The following SMPDL3A variants were observed in gnomAD, a reference collection of about 807,000 sequenced individuals.
SMPDL3A encodes sphingomyelin phosphodiesterase acid like 3A.
SMPDL3A carries 39 observed loss-of-function variants against 38.5 expected under a neutral mutation model. The observed-to-expected ratio is 1.01, with a 90% CI of 0.78 to 1.32. SMPDL3A has a LOEUF of 1.32. SMPDL3A is among the 40% of genes most tolerant of loss of function. The pLI is 0.00. For missense variants in SMPDL3A, 502 were observed against 536.2 expected (o/e 0.94, Z 0.63); for synonymous variants, 180 against 194.3 (o/e 0.93, Z 0.61).
At chr6:122,797,929 C>G (rs369268800) in intron 3 of SMPDL3A, among the ~76,000 whole-genome samples, 2 of 152,140 alleles carry the variant, frequency 1.3e-5, no homozygotes, top group Non-Finnish European at 2.9e-5. Flanking sequence ...AGAGCCCATA[C>G]GCTAGATCTT....
Position 122,806,311 on chromosome 6 carries a change from C to G in SMPDL3A, c.998C>G (p.Pro333Arg). Residue 333 changes from proline to arginine, a missense_variant, in exon 7 of 8, where the codon CCT becomes CGT. Coordinates refer to ENST00000368440, the MANE Select transcript of SMPDL3A (RefSeq NM_006714.5). ...KSVLEKQTNNPGIRLFQYDPR... is the reference protein window; with the variant it reads ...KSVLEKQTNNRGIRLFQYDPR... The stretch of plus-strand genomic sequence containing the variant: ...GTTTTAGAAAAACAGACCAACAATC[C>G]TGGTATCAGACTGTTTCAGTATGAT... The G allele has an allele frequency of 6.2e-7, 1 of 1,613,370 alleles. No homozygotes were observed. The highest frequency in any genetic ancestry group is 1.3e-5 in the African/African-American group (1 of 75,010).
At chr6:122,795,284 G>A (rs1369365393) in intron 1 of SMPDL3A, among the ~76,000 whole-genome samples, 1 of 152,140 alleles carries the variant, frequency 6.6e-6, no homozygotes, top group Non-Finnish European at 1.5e-5. Flanking sequence ...TGGGATTACA[G>A]GCGTGTGCCA....
chr6:122,790,530 C>A (rs1187060104), intron 1 of SMPDL3A, among the ~76,000 whole-genome samples: 1 of 152,190 alleles, frequency 6.6e-6, no homozygotes, highest in Non-Finnish European at 1.5e-5. Flanking sequence ...AAACCTCTTT[C>A]GCTCCCTCTG....
intron 1 of SMPDL3A, among the ~76,000 whole-genome samples, 188 bp downstream of exon 1, chr6:122,789,646 T>G (rs1466596745): frequency 6.6e-6 from 1 of 152,158 alleles, no homozygotes; most frequent in Non-Finnish European, 1.5e-5. Flanking sequence ...GACTACAGCG[T>G]TAGGGCGTCC....
At chr6:122,789,481 C>T in intron 1 of SMPDL3A, 23 bp downstream of exon 1, 3 of 1,530,810 alleles carry the variant, frequency 2.0e-6, no homozygotes, top group East Asian at 4.9e-5. Flanking sequence ...CGACCCTTCT[C>T]TTCCCAGCCG....
At position 122,797,929 on chromosome 6, in the gene SMPDL3A, C is replaced by T. The variant is rs369268800; in HGVS notation, c.471+961C>T. On this transcript the variant is annotated intron_variant, in intron 3 of 7. Coordinates refer to ENST00000368440, the MANE Select transcript of SMPDL3A (RefSeq NM_006714.5). ...ACATCCCTTGGGAGCAGAGCCCATA[C>T]GCTAGATCTTTTTACCTCAGATCTG... Among the ~76,000 whole-genome samples the T allele has an allele frequency of 3.9e-4, 59 of 152,258 alleles. 3 individuals carry two copies. The highest frequency in any genetic ancestry group is 1.8e-3 in the Admixed American group (27 of 15,286).
chr6:122,796,898 C>T lies in SMPDL3A; in HGVS notation c.401C>T (p.Thr134Ile), dbSNP rs772991613. 2 of 1,612,722 alleles carry T rather than the reference C, an allele frequency of 1.2e-6. No homozygotes were observed. Among genetic ancestry groups the T allele is most frequent in the Admixed American group, 3.3e-5 (2 of 60,000 alleles). ...TVINVITNMT[T>I]TIQSLFPNLQ... ...ATAAATGTGATCACTAATATGACAACCACCATCCAGAGTCTCTTTCCAAAT... is the reference window on the plus strand; with the variant it reads ...ATAAATGTGATCACTAATATGACAATCACCATCCAGAGTCTCTTTCCAAAT... Residue 134 changes from threonine (T) to isoleucine (I), a missense_variant, in exon 3 of 8, where the codon ACC becomes ATC. Thr to Ile is a moderately conservative substitution (Grantham distance 89). Coordinates refer to ENST00000368440, the MANE Select transcript of SMPDL3A (RefSeq NM_006714.5).
At chr6:122,793,861 A>G (rs1209982926) in intron 1 of SMPDL3A, among the ~76,000 whole-genome samples, 1 of 152,172 alleles carries the variant, frequency 6.6e-6, no homozygotes, top group Non-Finnish European at 1.5e-5. Flanking sequence ...TAGAGTTTAA[A>G]GTTTGCATCC....
rs1018524047 is a variant in SMPDL3A at position 122,789,556 on chromosome 6, C to A, written c.112+98C>A. 4 of 1,124,134 alleles carry A rather than the reference C, an allele frequency of 3.6e-6. No individual in the cohort carries two copies. In the South Asian group the frequency reaches 4.1e-5, roughly 12 times the overall value. The allele number at this position is 1,124,134 out of a possible 1,614,324, so 69.6% of individuals were successfully genotyped here. ...GAAAGTGCGTGGGGGCAGCTGCCCC[C>A]GGCAGAGGCTCGGGCTAGCGGGGCC... On this transcript the variant is annotated intron_variant, in intron 1 of 7. Transcript: ENST00000368440.
chr6:122,803,103 C>A (rs1411006202), intron 4 of SMPDL3A, among the ~76,000 whole-genome samples: 1 of 152,148 alleles, frequency 6.6e-6, no homozygotes, highest in Admixed American at 6.5e-5. Flanking sequence ...GATCTTAGTG[C>A]CCAGCTCTGA....
At chr6:122,793,470 A>G (rs909321627) in intron 1 of SMPDL3A, among the ~76,000 whole-genome samples, 1 of 152,236 alleles carries the variant, frequency 6.6e-6, no homozygotes. Context: ...GAAATAATAC[A>G]AATACATGTT....
intron 3 of SMPDL3A, among the ~76,000 whole-genome samples, chr6:122,798,303 A>G (rs887437404): frequency 6.6e-6 from 1 of 152,176 alleles, no homozygotes; most frequent in Non-Finnish European, 1.5e-5. Flanking sequence ...CACACAGTGA[A>G]GAGGCTTGGG....
At position 122,809,269 on chromosome 6, in the gene SMPDL3A, A is replaced by G. The variant is rs544190744; in HGVS notation, c.1223A>G (p.Asn408Ser). ...LDSKQFIKYY[N>S]YFFVSYDSSV... ...AGTAAGCAGTTTATAAAATACTACA[A>G]TTACTTCTTTGTGAGTTATGACAGC... The change falls in exon 8 of 8, where the codon AAT (asparagine) becomes AGT (serine). Residue 408 changes from asparagine (N) to serine (S), a missense_variant. Physicochemically the swap from Asn to Ser is conservative, Grantham distance 46. Transcript: ENST00000368440. 7 of 1,614,094 alleles carry G rather than the reference A, an allele frequency of 4.3e-6. No individual in the cohort carries two copies. The South Asian group carries it at 6.6e-5, about 15-fold the overall frequency.
At chr6:122,802,498 G>A (rs1466040765) in intron 4 of SMPDL3A, among the ~76,000 whole-genome samples, 2 of 152,046 alleles carry the variant, frequency 1.3e-5, no homozygotes, top group Non-Finnish European at 1.5e-5. Context: ...CACCGTGCCC[G>A]GCCTATGTCT....
chr6:122,809,304 T>C lies in SMPDL3A; in HGVS notation c.1258T>C (p.Cys420Arg). ...FFVSYDSSVT[C>R]DKTCKAFQIC... is the part of the protein sequence containing the mutation. ...TGTGAGTTATGACAGCAGTGTAACA[T>C]GTGATAAGACATGTAAGGCCTTTCA... Residue 420 changes from cysteine to arginine, a missense_variant, in exon 8 of 8, where the codon TGT (cysteine) becomes CGT (arginine). By Grantham distance (180) the Cys-to-Arg change is radical. Transcript: ENST00000368440. The C allele has an allele frequency of 6.2e-7, 1 of 1,613,656 alleles. No homozygotes were observed. The highest frequency in any genetic ancestry group is 1.1e-5 in the South Asian group (1 of 91,074).
chr6:122,808,784 C>T (rs12207717), intron 7 of SMPDL3A, among the ~76,000 whole-genome samples: 1 of 151,668 alleles, frequency 6.6e-6, no homozygotes, highest in African/African-American at 2.4e-5. Context: ...CGGGTTCAAG[C>T]GATTCTTCTG....
chr6:122,805,137 A>AAAG, intron 6 of SMPDL3A, 48 bp downstream of exon 6: 1 of 1,431,256 alleles, frequency 7.0e-7, no homozygotes, highest in Non-Finnish European at 9.4e-7. Context: ...AGTCTAGAGC[A>AAAG]AAGCGGTGAA....
At chr6:122,789,498 AGCGCGGAGCGGCGGCGCCT>A (rs1222499606) in intron 1 of SMPDL3A, 40 bp downstream of exon 1, 1 of 1,499,602 alleles carries the variant, frequency 6.7e-7, no homozygotes, top group African/African-American at 1.4e-5. Context: ...GCCGGCAAAG[AGCGCGGAGCGGCGGCGCCT>A]GCGCACAGCA....
rs143394163 is a variant in SMPDL3A, at chr6:122,809,380, A to G, written c.1334A>G (p.Lys445Arg). ...AATATTTCCTATGCAGATTGCCTCAAACAGCTTTATATAAAGCACAATTAC... is the reference window on the plus strand; with the variant it reads ...AATATTTCCTATGCAGATTGCCTCAGACAGCTTTATATAAAGCACAATTAC... ...LDNISYADCL[K>R]QLYIKHNY The change falls in exon 8 of 8, where the codon AAA (lysine) becomes AGA (arginine). Residue 445 changes from lysine to arginine, a missense_variant. Transcript: ENST00000368440. 168 of 1,613,484 alleles carry G rather than the reference A, an allele frequency of 1.0e-4. No homozygotes were observed. In the East Asian group the frequency reaches 2.7e-3, roughly 26 times the overall value.
Sources: gnomAD v4.1 joint callset for allele counts (sites outside exome capture counted in the v4.1 genomes callset) on GRCh38, gnomAD v4.1.1 for gene constraint, MANE v1.5 for transcripts, NCBI Gene and HGNC (gene_info 2026-07-23, HGNC 2026-07-21) for gene names.